Variants in CHST15 observed in about 807,000 individuals in gnomAD.
CHST15 encodes the protein carbohydrate sulfotransferase 15, also known as B cell RAG associated protein (GALNAC4S-6ST).
Under a neutral mutation model 53.6 loss-of-function variants are expected in CHST15, and 30 were observed. The ratio of observed to expected loss-of-function variants is 0.56; its 90% CI spans 0.42 to 0.76. The LOEUF (loss-of-function observed/expected upper bound fraction) is 0.76, where lower values mean the gene tolerates loss of function less well. CHST15 is among the 30% of genes least tolerant of loss of function. CHST15 has a pLI of 0.00. For missense variants in CHST15, 627 were observed against 740.5 expected (o/e 0.85, Z 1.78); for synonymous variants, 296 against 289.8 (o/e 1.02, Z -0.22).
At chr10:124,089,331 C>A (rs1164917867) in intron 1 of CHST15, among the ~76,000 whole-genome samples, 4 of 152,226 alleles carry the variant, frequency 2.6e-5, no homozygotes, top group African/African-American at 9.6e-5. Context: ...ATTTAGACGA[C>A]TCTTCTTTCA....
rs7475538 is a variant in CHST15, at chr10:124,036,137, G to A, written c.1190+2378C>T. On this transcript the variant is annotated intron_variant, in intron 5 of 7. Coordinates refer to ENST00000435907, the MANE Select transcript of CHST15 (RefSeq NM_001270764.2). The surrounding 1 kb of genome is among the most constrained non-coding windows in gnomAD (Gnocchi z 5.1). ...CACTTGCGCCCTTCAGCTGGGGGCC[G>A]TGTCGGGGAGGGAGGCAGAGCAGCT... is the stretch of plus-strand genomic sequence containing the variant. Among the ~76,000 whole-genome samples the A allele has an allele frequency of 0.25, 37,892 of 152,204 alleles. 5,270 individuals are homozygous for A. The highest frequency in any genetic ancestry group is 0.51 in the East Asian group (2,644 of 5,158).
intron 1 of CHST15, among the ~76,000 whole-genome samples, chr10:124,084,142 G>A (rs988105722): frequency 6.6e-6 from 1 of 152,192 alleles, no homozygotes; most frequent in Non-Finnish European, 1.5e-5. Flanking sequence ...TGAGGCATCA[G>A]TGTTCAGTGG....
Position 124,008,996 on chromosome 10 carries a change from C to G in CHST15, c.*1153G>C. 1 of 1,289,174 alleles carries G rather than the reference C, an allele frequency of 7.8e-7. No homozygotes were observed. The highest frequency in any genetic ancestry group is 1.0e-6 in the Non-Finnish European group (1 of 988,702). 79.9% of individuals were successfully genotyped at this position (1,289,174 alleles called of 1,614,324 possible). A position where few individuals can be genotyped will look rare whatever the true frequency, so the allele number is the denominator to read the frequency against. ...AAATCTCAACACGCCACGTTCAGCCCAAGTTCAGCTTGTGCATTGTGTTTT... is the reference window on the plus strand; with the variant it reads ...AAATCTCAACACGCCACGTTCAGCCGAAGTTCAGCTTGTGCATTGTGTTTT... On this transcript the variant is annotated 3_prime_UTR_variant, in exon 8 of 8. Coordinates refer to ENST00000435907, the MANE Select transcript of CHST15 (RefSeq NM_001270764.2).
chr10:124,059,440 C>T (rs1267980699), intron 1 of CHST15, among the ~76,000 whole-genome samples: 1 of 152,094 alleles, frequency 6.6e-6, no homozygotes, highest in East Asian at 1.9e-4. Flanking sequence ...AGCAGCAGCC[C>T]AGAGTATAAT....
chr10:124,024,705 G>A lies in CHST15; in HGVS notation c.1191-3293C>T, dbSNP rs1946927707. Among the ~76,000 whole-genome samples, 1 of 152,198 alleles carries A rather than the reference G, an allele frequency of 6.6e-6. No homozygotes were observed. The highest frequency in any genetic ancestry group is 1.5e-5 in the Non-Finnish European group (1 of 68,042). On this transcript the variant is annotated intron_variant, in intron 5 of 7. Coordinates refer to ENST00000435907, the MANE Select transcript of CHST15 (RefSeq NM_001270764.2). This position sits in a 1 kb window ranked among gnomAD's most constrained non-coding sequence, Gnocchi z 4.0. ...ACACGGCATCTGTCGCCATAGGGTC[G>A]CTCATGGTTACTATGACCTAAATGG... is the stretch of plus-strand genomic sequence containing the variant.
chr10:124,042,201 T>G, intron 4 of CHST15, 100 bp downstream of exon 4: 1 of 1,265,110 alleles, frequency 7.9e-7, no homozygotes. Flanking sequence ...TGCCACCATG[T>G]AAATGTTCTG....
At chr10:124,027,682 A>C (rs1351694356) in intron 5 of CHST15, among the ~76,000 whole-genome samples, 1 of 152,200 alleles carries the variant, frequency 6.6e-6, no homozygotes, top group Admixed American at 6.5e-5. Context: ...TGCTGCATGC[A>C]TGCTCTGCGT....
rs935866659 is a variant in CHST15 at position 124,019,068 on chromosome 10, T to C, written c.1347+2188A>G. 3.9e-5 allele frequency among the ~76,000 whole-genome samples: 6 copies of C among 152,154 alleles called. No individual in the cohort carries two copies. Among genetic ancestry groups the C allele is most frequent in the Non-Finnish European group, 8.8e-5 (6 of 68,016 alleles). On this transcript the variant is annotated intron_variant, in intron 6 of 7. Transcript: ENST00000435907. This position sits in a 1 kb window ranked among gnomAD's most constrained non-coding sequence, Gnocchi z 4.6. ...TTATGCCAGGACTGAAGGTCCTCCA[T>C]GCGAGGCCTGCAGGATGGAAGAGCC...
At chr10:124,065,752 T>C (rs1428311014) in intron 1 of CHST15, among the ~76,000 whole-genome samples, 3 of 152,236 alleles carry the variant, frequency 2.0e-5, no homozygotes, top group Non-Finnish European at 2.9e-5. Flanking sequence ...CAGTAAATTA[T>C]ATGATTCTTA....
rs781451777 is a variant in CHST15 at position 124,044,739 on chromosome 10, C to T, written c.727G>A (p.Ala243Thr). ...CGCAGGCGGAAGTGCTTCCCGTGCG[C>T]GTGCGCCAGGTGGCCCCAGAAGGCC... ...RKAFWGHLAH[A>T]HGKHFRLRCL... is the part of the protein sequence containing the mutation. The change falls in exon 3 of 8, where the codon GCG becomes ACG. Residue 243 changes from alanine to threonine, a missense_variant. By Grantham distance (58) the Ala-to-Thr change is moderately conservative. This residue lies in a region of CHST15 where 161 missense variants were observed against 117.2 expected (regional missense o/e 1.37). Transcript: ENST00000435907. 8 of 1,613,200 alleles carry T rather than the reference C, an allele frequency of 5.0e-6. No individual in the cohort carries two copies. The highest frequency in any genetic ancestry group is 1.3e-5 in the African/African-American group (1 of 74,904).
intron 7 of CHST15, chr10:124,011,071 G>A (rs1946403113): frequency 1.0e-6 from 1 of 981,090 alleles, no homozygotes; most frequent in Admixed American, 6.2e-5. Context: ...AAAAGGCCGG[G>A]AGGGGCTGTC....
Position 124,074,112 on chromosome 10 carries a change from G to A in CHST15, c.-513+19357C>T, listed in dbSNP as rs951535219. On this transcript the variant is annotated intron_variant, in intron 1 of 7. Transcript: ENST00000435907. This position sits in a 1 kb window ranked among gnomAD's most constrained non-coding sequence, Gnocchi z 4.4. ...AGAAGACTTTCTCAGGACAGAAGTG[G>A]GTGTGATTAGCGCAAGCTCAAGTCA... 1.3e-5 allele frequency among the ~76,000 whole-genome samples: 2 copies of A among 152,156 alleles called. No homozygotes were observed. Among genetic ancestry groups the A allele is most frequent in the Non-Finnish European group, 2.9e-5 (2 of 68,030 alleles).
chr10:124,089,890 T>TA (rs1949554570), intron 1 of CHST15, among the ~76,000 whole-genome samples: 1 of 152,224 alleles, frequency 6.6e-6, no homozygotes, highest in African/African-American at 2.4e-5. Context: ...CTGTAGGATC[T>TA]ATTTGGTGAA....
At chr10:124,047,599 A>AGC (rs1409723984) in intron 1 of CHST15, among the ~76,000 whole-genome samples, 17 of 152,238 alleles carry the variant, frequency 1.1e-4, no homozygotes, top group Non-Finnish European at 2.2e-4. Flanking sequence ...GATCACCACT[A>AGC]ATTGGCTGTG....
chr10:124,077,334 T>C (rs1009677095), intron 1 of CHST15, among the ~76,000 whole-genome samples: 6 of 152,204 alleles, frequency 3.9e-5, no homozygotes, highest in Non-Finnish European at 8.8e-5. Flanking sequence ...ATCATAAGTC[T>C]GATCTCGAAC....
At chr10:124,084,988 G>A (rs751608025) in intron 1 of CHST15, among the ~76,000 whole-genome samples, 8 of 152,186 alleles carry the variant, frequency 5.3e-5, no homozygotes, top group Non-Finnish European at 8.8e-5. Flanking sequence ...ACACTCCCCG[G>A]GGCAACCCTG....
At chr10:124,088,521 C>T (rs1372142463) in intron 1 of CHST15, among the ~76,000 whole-genome samples, 1 of 152,218 alleles carries the variant, frequency 6.6e-6, no homozygotes, top group Admixed American at 6.5e-5. Flanking sequence ...TGCTGATTCA[C>T]GCCGCCTCCT....
At chr10:124,057,529 A>G (rs2134078415) in intron 1 of CHST15, among the ~76,000 whole-genome samples, 1 of 152,340 alleles carries the variant, frequency 6.6e-6, no homozygotes, top group East Asian at 1.9e-4. Flanking sequence ...TCGTACAGAC[A>G]AATAAATGAA....
chr10:124,077,781 C>T (rs1442048602), intron 1 of CHST15, among the ~76,000 whole-genome samples: 1 of 152,218 alleles, frequency 6.6e-6, no homozygotes, highest in African/African-American at 2.4e-5. Context: ...GAGGCCGAGC[C>T]TGAGCAGCTC....
Sources: gnomAD v4.1 joint callset for allele counts (sites outside exome capture counted in the v4.1 genomes callset) on GRCh38, gnomAD v4.1.1 for gene constraint, gnomAD v4.1.1 regional missense constraint, Gnocchi (gnomAD v3.1) non-coding constraint, MANE v1.5 for transcripts, NCBI Gene and HGNC (gene_info 2026-07-23, HGNC 2026-07-21) for gene names.